The following CTNND2 variants were observed in gnomAD, a reference collection of about 807,000 sequenced individuals.
CTNND2 encodes the protein catenin delta-2.
Under a neutral mutation model 144.4 loss-of-function variants are expected in CTNND2, and 22 were observed. The ratio of observed to expected loss-of-function variants is 0.15; its 90% CI spans 0.11 to 0.22. The LOEUF (loss-of-function observed/expected upper bound fraction) is 0.22. Ranked by LOEUF, CTNND2 falls within the 10% of genes least tolerant of loss-of-function variation. The pLI is 1.00. For missense variants in CTNND2, 1,353 were observed against 1,618.8 expected (o/e 0.84, Z 2.82); for synonymous variants, 751 against 695.6 (o/e 1.08, Z -1.25).
intron 1 of CTNND2, among the ~76,000 whole-genome samples, chr5:11,735,869 C>G (rs908776518): frequency 3.3e-5 from 5 of 152,112 alleles, no homozygotes; most frequent in African/African-American, 1.2e-4. Flanking sequence ...TCTTTATTAG[C>G]AGCATGAGAA....
rs1177245141 is a variant in CTNND2 at position 11,470,958 on chromosome 5, A to G, written c.288-58889T>C. ...TTAGCTATTATTTGATACAAAGTAT[A>G]TATATATATATATATATATATATTT... On this transcript the variant is annotated intron_variant, in intron 3 of 21. Transcript: ENST00000304623. 5.1e-4 allele frequency among the ~76,000 whole-genome samples: 43 copies of G among 84,282 alleles called. 1 individual carries two copies. Among genetic ancestry groups the G allele is most frequent in the African/African-American group, 2.6e-3 (42 of 15,920 alleles). The allele number at this position is 84,282 out of a possible 152,430, so 55.3% of individuals were successfully genotyped here.
intron 15 of CTNND2, among the ~76,000 whole-genome samples, chr5:11,087,849 A>C (rs1414210945): frequency 6.6e-6 from 1 of 152,216 alleles, no homozygotes; most frequent in Non-Finnish European, 1.5e-5. Flanking sequence ...AATGCTCAAA[A>C]TATTAATGTA....
At chr5:11,605,149 G>C (rs928342016) in intron 2 of CTNND2, among the ~76,000 whole-genome samples, 5 of 152,184 alleles carry the variant, frequency 3.3e-5, no homozygotes. Flanking sequence ...TTGGGGTCAA[G>C]GGCTCAGTGA....
chr5:11,409,100 T>C (rs1481767370), intron 5 of CTNND2, among the ~76,000 whole-genome samples: 1 of 152,076 alleles, frequency 6.6e-6, no homozygotes, highest in Non-Finnish European at 1.5e-5. Flanking sequence ...TCCCCCATAC[T>C]TCTGTTTTTA....
chr5:11,171,676 A>T (rs1759929638), intron 11 of CTNND2, among the ~76,000 whole-genome samples: 1 of 152,188 alleles, frequency 6.6e-6, no homozygotes, highest in Non-Finnish European at 1.5e-5. Flanking sequence ...AACACATTTT[A>T]TAGAGTTGTA....
intron 2 of CTNND2, among the ~76,000 whole-genome samples, chr5:11,584,431 G>GA (rs1561589102): frequency 6.9e-6 from 1 of 145,842 alleles, no homozygotes; most frequent in Non-Finnish European, 1.5e-5. Flanking sequence ...TTTTTGGGGG[G>GA]GGGGAGGAGG....
intron 1 of CTNND2, among the ~76,000 whole-genome samples, chr5:11,884,190 AT>A: frequency 6.6e-6 from 1 of 152,190 alleles, no homozygotes; most frequent in Middle Eastern, 3.4e-3. Context: ...ATTAGATCCC[AT>A]TTGTCAATTT....
intron 5 of CTNND2, among the ~76,000 whole-genome samples, chr5:11,408,581 A>T (rs368236692): frequency 6.6e-6 from 1 of 152,116 alleles, no homozygotes; most frequent in Non-Finnish European, 1.5e-5. Flanking sequence ...CAAAAGAAAT[A>T]ATCAACTAAA....
chr5:11,210,508 T>G (rs972234594), intron 10 of CTNND2, among the ~76,000 whole-genome samples: 3 of 152,256 alleles, frequency 2.0e-5, no homozygotes, highest in Non-Finnish European at 4.4e-5. Context: ...GTCATCTCCC[T>G]TGAGCATAAA....
rs1043758597 is a variant in CTNND2 at position 11,289,810 on chromosome 5, G to A, written c.1629-52987C>T. ...TCTTCTAAGGCCACCTGTGGCTCCA[G>A]TTCCTCACTATTAACCACCAGAGAT... is the stretch of plus-strand genomic sequence containing the variant. On this transcript the variant is annotated intron_variant, in intron 9 of 21. Transcript: ENST00000304623. Among the ~76,000 whole-genome samples, 14 of 152,292 alleles carry A rather than the reference G, an allele frequency of 9.2e-5. 1 individual carries two copies. The highest frequency in any genetic ancestry group is 5.2e-4 in the Admixed American group (8 of 15,306).
intron 3 of CTNND2, among the ~76,000 whole-genome samples, chr5:11,555,671 A>C (rs1776172430): frequency 6.6e-6 from 1 of 151,720 alleles, no homozygotes; most frequent in Non-Finnish European, 1.5e-5. Flanking sequence ...GAACAATCTC[A>C]GCATTAAAAG....
intron 2 of CTNND2, among the ~76,000 whole-genome samples, chr5:11,707,024 T>G (rs1272320914): frequency 1.3e-5 from 2 of 150,498 alleles, no homozygotes; most frequent in African/African-American, 4.9e-5. Flanking sequence ...AGGCGGAGCT[T>G]GCAGTGAGCC....
intron 2 of CTNND2, among the ~76,000 whole-genome samples, chr5:11,609,570 T>C (rs1780217624): frequency 6.6e-6 from 1 of 152,160 alleles, no homozygotes; most frequent in Admixed American, 6.5e-5. Flanking sequence ...AATAGTCTAT[T>C]TTATAATACT....
At chr5:11,691,349 G>C (rs1784901141) in intron 2 of CTNND2, among the ~76,000 whole-genome samples, 1 of 150,860 alleles carries the variant, frequency 6.6e-6, no homozygotes, top group Admixed American at 6.6e-5. Context: ...TCCAGCCTGG[G>C]CGACAGAGCG....
At chr5:11,399,671 G>A (rs922268416) in intron 5 of CTNND2, among the ~76,000 whole-genome samples, 3 of 152,140 alleles carry the variant, frequency 2.0e-5, no homozygotes, top group African/African-American at 4.8e-5. Context: ...AATCAGTTGT[G>A]TATTTGATCA....
chr5:11,756,241 T>A (rs1359401235), intron 1 of CTNND2, among the ~76,000 whole-genome samples: 1 of 151,652 alleles, frequency 6.6e-6, no homozygotes, highest in Non-Finnish European at 1.5e-5. Flanking sequence ...ATATAGAAAA[T>A]TTTTTTAAAT....
At chr5:11,700,582 C>A (rs562139663) in intron 2 of CTNND2, among the ~76,000 whole-genome samples, 2 of 152,134 alleles carry the variant, frequency 1.3e-5, no homozygotes, top group Non-Finnish European at 2.9e-5. Flanking sequence ...TTTGTGAGCT[C>A]TTTTCATCGG....
At chr5:11,560,321 T>C (rs1028257186) in intron 3 of CTNND2, among the ~76,000 whole-genome samples, 4 of 152,300 alleles carry the variant, frequency 2.6e-5, no homozygotes, top group Admixed American at 2.6e-4. Context: ...CTCCTCATAA[T>C]TGTTGCTATT....
chr5:10,990,903 G>A (rs867493465), intron 19 of CTNND2, among the ~76,000 whole-genome samples: 4 of 152,156 alleles, frequency 2.6e-5, no homozygotes, highest in South Asian at 2.1e-4. Context: ...CCATCATGTC[G>A]TTTCATTCTC....
Sources: gnomAD v4.1 joint callset for allele counts (sites outside exome capture counted in the v4.1 genomes callset) on GRCh38, gnomAD v4.1.1 for gene constraint, MANE v1.5 for transcripts, NCBI Gene and HGNC (gene_info 2026-07-23, HGNC 2026-07-21) for gene names.